The following ERBB4 variants were observed in gnomAD, a reference collection of about 807,000 sequenced individuals.
ERBB4 encodes the protein receptor tyrosine-protein kinase erbB-4.
A neutral mutation model predicts 158.0 loss-of-function variants in ERBB4; 42 were observed. The observed-to-expected ratio is 0.27, with a 90% confidence interval of 0.21 to 0.34. ERBB4 has a LOEUF of 0.34. Among genes scored for constraint, ERBB4 ranks in the 10% least tolerant of loss-of-function variants. The probability of loss-of-function intolerance (pLI) is 1.00; values close to 1 mark genes in which losing one functional copy is unlikely to be tolerated. For missense variants in ERBB4, 1,333 were observed against 1,624.1 expected, an observed-to-expected ratio of 0.82 and a Z score of 3.08; for synonymous variants, 583 against 558.7, an observed-to-expected ratio of 1.04 and a Z score of -0.61.
At chr2:212,402,902 A>T (rs746377903) in intron 1 of ERBB4, among the ~76,000 whole-genome samples, 2 of 152,118 alleles carry the variant, frequency 1.3e-5, no homozygotes, top group Non-Finnish European at 2.9e-5. Context: ...GTTTCATTCA[A>T]CTTTTACGTG....
intron 1 of ERBB4, among the ~76,000 whole-genome samples, chr2:212,175,353 T>C (rs368098743): frequency 5.3e-5 from 8 of 152,000 alleles, no homozygotes; most frequent in African/African-American, 1.4e-4. Context: ...TAAATCCTCT[T>C]TCCTCTTTAT....
At chr2:212,462,462 T>C (rs1439999568) in intron 1 of ERBB4, among the ~76,000 whole-genome samples, 1 of 152,132 alleles carries the variant, frequency 6.6e-6, no homozygotes, top group Non-Finnish European at 1.5e-5. Context: ...CAGATATTTC[T>C]CAAGAGATGA....
chr2:212,206,668 G>A (rs1360909318), intron 1 of ERBB4, among the ~76,000 whole-genome samples: 1 of 147,134 alleles, frequency 6.8e-6, no homozygotes, highest in Non-Finnish European at 1.5e-5. Context: ...CTCACTGCAA[G>A]CTCCGCCTCC....
At chr2:211,927,819 T>C (rs2080060892) in intron 3 of ERBB4, among the ~76,000 whole-genome samples, 1 of 152,084 alleles carries the variant, frequency 6.6e-6, no homozygotes, top group Non-Finnish European at 1.5e-5. Context: ...ATCTCTAAAA[T>C]ATTATACTTA....
intron 3 of ERBB4, among the ~76,000 whole-genome samples, chr2:211,825,766 A>G (rs1301387163): frequency 6.8e-6 from 1 of 147,468 alleles, no homozygotes; most frequent in African/African-American, 2.5e-5. Context: ...CATTATATAT[A>G]TATTATATAT....
chr2:212,312,551 A>G (rs1221337080), intron 1 of ERBB4, among the ~76,000 whole-genome samples: 1 of 151,048 alleles, frequency 6.6e-6, no homozygotes, highest in Non-Finnish European at 1.5e-5. Flanking sequence ...ATAAGAATCA[A>G]TTGTCAAATT....
intron 14 of ERBB4, among the ~76,000 whole-genome samples, chr2:211,667,053 G>T (rs1376032976): frequency 6.6e-6 from 1 of 151,546 alleles, no homozygotes; most frequent in African/African-American, 2.4e-5. Context: ...ATTGTCTTGG[G>T]CCACACATAA....
intron 1 of ERBB4, among the ~76,000 whole-genome samples, chr2:212,361,910 T>C (rs1049828254): frequency 3.3e-5 from 5 of 151,712 alleles, no homozygotes; most frequent in Non-Finnish European, 5.9e-5. Flanking sequence ...TTCTAACTCA[T>C]ATGACATTTT....
At chr2:212,438,862 T>C (rs2092192866) in intron 1 of ERBB4, among the ~76,000 whole-genome samples, 1 of 152,120 alleles carries the variant, frequency 6.6e-6, no homozygotes, top group African/African-American at 2.4e-5. Flanking sequence ...AACATTATGA[T>C]ACTGGCTCAA....
intron 1 of ERBB4, among the ~76,000 whole-genome samples, chr2:212,132,428 T>C (rs1323540156): frequency 2.0e-5 from 3 of 152,058 alleles, no homozygotes; most frequent in African/African-American, 2.4e-5. Flanking sequence ...AAGACTACCA[T>C]TGAATTGGTA....
chr2:211,508,029 C>A (rs977397653), intron 20 of ERBB4, among the ~76,000 whole-genome samples: 1 of 152,068 alleles, frequency 6.6e-6, no homozygotes, highest in Admixed American at 6.5e-5. Context: ...ATCATAAAAA[C>A]CCTAGAAGAA....
rs2062468389 is a variant in ERBB4 at position 211,376,086 on chromosome 2, T to A, written c.*7529A>T. 2 of 233,108 alleles carry A rather than the reference T, an allele frequency of 8.6e-6. No individual in the cohort carries two copies. Among genetic ancestry groups the A allele is most frequent in the Non-Finnish European group, 1.7e-5 (2 of 117,708 alleles). The allele number at this position is 233,108 out of a possible 1,614,324, so 14.4% of individuals were successfully genotyped here. A position where few individuals can be genotyped will look rare whatever the true frequency, so the allele number is the denominator to read the frequency against. On this transcript the variant is annotated 3_prime_UTR_variant, in exon 28 of 28. Transcript: ENST00000342788. ...ATGCCTAACATTAAAAAAGTTAGTA[T>A]GTGTTAGGTGCATGATCCTTCATCA...
chr2:211,880,427 T>C (rs2078630213), intron 3 of ERBB4, among the ~76,000 whole-genome samples: 1 of 152,148 alleles, frequency 6.6e-6, no homozygotes, highest in Non-Finnish European at 1.5e-5. Flanking sequence ...TCCTATTATG[T>C]CTATCCCTCA....
At chr2:212,148,610 C>T (rs2080761546) in intron 1 of ERBB4, among the ~76,000 whole-genome samples, 1 of 152,030 alleles carries the variant, frequency 6.6e-6, no homozygotes, top group Admixed American at 6.6e-5. Context: ...TCCTGAAAGA[C>T]TTAATACATC....
intron 2 of ERBB4, among the ~76,000 whole-genome samples, chr2:212,049,210 T>A (rs1187279269): frequency 6.6e-6 from 1 of 152,230 alleles, no homozygotes; most frequent in African/African-American, 2.4e-5. Flanking sequence ...ACAACTGTAA[T>A]TATAATATCT....
At chr2:211,912,691 C>T (rs1157974210) in intron 3 of ERBB4, among the ~76,000 whole-genome samples, 1 of 152,122 alleles carries the variant, frequency 6.6e-6, no homozygotes, top group African/African-American at 2.4e-5. Flanking sequence ...GCTACAGGGA[C>T]AACAGACTGA....
At chr2:212,174,385 G>A (rs531667376) in intron 1 of ERBB4, among the ~76,000 whole-genome samples, 1 of 152,026 alleles carries the variant, frequency 6.6e-6, no homozygotes, top group Non-Finnish European at 1.5e-5. Context: ...AAAGGACTGA[G>A]GCTACAAGTT....
intron 1 of ERBB4, among the ~76,000 whole-genome samples, chr2:212,517,475 A>C (rs1175976094): frequency 6.6e-6 from 1 of 152,138 alleles, no homozygotes; most frequent in East Asian, 1.9e-4. Context: ...CACCATTATT[A>C]TCAATGATTA....
intron 2 of ERBB4, among the ~76,000 whole-genome samples, chr2:212,016,412 C>T (rs2076530815): frequency 6.6e-6 from 1 of 151,950 alleles, no homozygotes; most frequent in Non-Finnish European, 1.5e-5. Context: ...GAAATAAGTT[C>T]ATATTAAAAA....
Sources: allele counts gnomAD v4.1 joint callset (sites outside exome capture counted in the v4.1 genomes callset), GRCh38; gene constraint gnomAD v4.1.1; transcripts MANE v1.5; gene names NCBI Gene and HGNC (gene_info 2026-07-23, HGNC 2026-07-21).